Variants in TMED3 observed in about 807,000 individuals in gnomAD.
TMED3 encodes the protein transmembrane p24 trafficking protein 3, also known as transmembrane emp24 domain-containing protein 3.
A neutral mutation model predicts 15.0 loss-of-function variants in TMED3; 9 were observed. The observed-to-expected ratio is 0.60, with a 90% CI of 0.36 to 1.04. TMED3 has a LOEUF of 1.04. Among genes scored for constraint, TMED3 ranks in the 50% least tolerant of loss-of-function variants. The probability of loss-of-function intolerance (pLI) is 0.01; values close to 1 mark genes in which losing one functional copy is unlikely to be tolerated. For synonymous variants in TMED3, 117 were observed against 121.4 expected (o/e 0.96, Z 0.24); for missense variants, 267 against 278.9 (o/e 0.96, Z 0.30).
intron 2 of TMED3, among the ~76,000 whole-genome samples, chr15:79,372,823 T>C (rs1163911874): frequency 1.3e-5 from 2 of 152,216 alleles, no homozygotes; most frequent in African/African-American, 4.8e-5. Flanking sequence ...GCTAGGTAGT[T>C]AGAATTGAAC....
chr15:79,354,783 G>C (rs1377196310), intron 2 of TMED3, among the ~76,000 whole-genome samples: 1 of 152,128 alleles, frequency 6.6e-6, no homozygotes, highest in Non-Finnish European at 1.5e-5. Context: ...GCCACATAGG[G>C]TCATTCCCTG....
intron 2 of TMED3, among the ~76,000 whole-genome samples, chr15:79,318,315 G>A (rs1596050601): frequency 6.6e-6 from 1 of 152,200 alleles, no homozygotes; most frequent in African/African-American, 2.4e-5. Context: ...CTGAGACCCA[G>A]GACTGTGTCT....
chr15:79,379,911 A>G (rs555777557), intron 2 of TMED3, among the ~76,000 whole-genome samples: 10 of 152,238 alleles, frequency 6.6e-5, no homozygotes, highest in Non-Finnish European at 1.5e-4. Flanking sequence ...ATGATGTGTT[A>G]TGTGATAGGT....
At chr15:79,368,453 T>TGTGA (rs1296626200) in intron 2 of TMED3, among the ~76,000 whole-genome samples, 2 of 152,074 alleles carry the variant, frequency 1.3e-5, no homozygotes, top group Non-Finnish European at 1.5e-5. Flanking sequence ...TTGCACACTG[T>TGTGA]GGGAATTATG....
At chr15:79,313,345 A>T (rs1038773289) in intron 1 of TMED3, among the ~76,000 whole-genome samples, 19 of 152,192 alleles carry the variant, frequency 1.2e-4, no homozygotes, top group African/African-American at 4.3e-4. Context: ...CATGCTTCAG[A>T]ATAGTGCAAT....
At chr15:79,364,520 A>G (rs998092788) in intron 2 of TMED3, among the ~76,000 whole-genome samples, 2 of 151,916 alleles carry the variant, frequency 1.3e-5, no homozygotes, top group African/African-American at 4.8e-5. Context: ...CTAAGTGGGA[A>G]CAGGCATTTC....
intron 2 of TMED3, among the ~76,000 whole-genome samples, chr15:79,376,997 CT>C (rs1301292953): frequency 6.6e-6 from 1 of 152,072 alleles, no homozygotes; most frequent in African/African-American, 2.4e-5. Flanking sequence ...CTTCATGAAG[CT>C]GAGAAAACCT....
chr15:79,403,910 A>G (rs1473574909), intron 2 of TMED3, among the ~76,000 whole-genome samples: 1 of 152,012 alleles, frequency 6.6e-6, no homozygotes, highest in Non-Finnish European at 1.5e-5. Flanking sequence ...ACCCGGCATG[A>G]CCCTTGGTTC....
exon 3 of TMED3, chr15:79,413,406 A>T (rs187667106): frequency 0.014 from 2,086 of 152,280 alleles, 26 homozygotes; most frequent in South Asian, 0.026. Flanking sequence ...TGCTCTGCAG[A>T]ACCCAACAGA....
intron 2 of TMED3, among the ~76,000 whole-genome samples, chr15:79,350,871 A>G (rs1020785828): frequency 6.6e-6 from 1 of 152,178 alleles, no homozygotes; most frequent in Non-Finnish European, 1.5e-5. Flanking sequence ...TTTGCTGTAC[A>G]TCAGCTCCCT....
intron 2 of TMED3, among the ~76,000 whole-genome samples, chr15:79,391,475 C>T (rs942057985): frequency 6.6e-6 from 1 of 152,008 alleles, no homozygotes; most frequent in East Asian, 1.9e-4. Context: ...TATTGAGGCT[C>T]GTTTTGTGGC....
At chr15:79,332,989 G>T (rs1193844005) in intron 2 of TMED3, among the ~76,000 whole-genome samples, 1 of 152,230 alleles carries the variant, frequency 6.6e-6, no homozygotes, top group Admixed American at 6.5e-5. Context: ...ACTGCCCAGT[G>T]TTCCATCTCG....
At chr15:79,314,832 C>G (rs1041515693) in intron 2 of TMED3, among the ~76,000 whole-genome samples, 10 of 152,180 alleles carry the variant, frequency 6.6e-5, no homozygotes, top group Non-Finnish European at 1.2e-4. Context: ...GTCTGTCTTC[C>G]CTTCTGCTAT....
rs191924189 is a variant in TMED3, at chr15:79,408,648, A to T, written c.418-2752A>T. On this transcript the variant is annotated intron_variant, in intron 2 of 2. Coordinates refer to the TMED3 transcript ENST00000424155. ...GAACTCAGAGAGAATGGCCCCTGGA[A>T]GCCAGAAACCCAGGGTCCAGATCTG... Among the ~76,000 whole-genome samples the T allele has an allele frequency of 7.5e-3, 1,138 of 152,224 alleles. 5 individuals carry two copies. The highest frequency in any genetic ancestry group is 0.012 in the Non-Finnish European group (786 of 68,012).
At position 79,388,321 on chromosome 15, in the gene TMED3, A is replaced by G. The variant is rs116078986; in HGVS notation, c.418-23079A>G. Among the ~76,000 whole-genome samples the G allele has an allele frequency of 4.4e-3, 677 of 152,248 alleles. 3 individuals are homozygous for G. The highest frequency in any genetic ancestry group is 0.016 in the African/African-American group (661 of 41,560). On this transcript the variant is annotated intron_variant, in intron 2 of 2. Transcript: ENST00000424155. Reference sequence around the variant, plus strand: ...GTATACTAAGAGCTTATCTTTAACCATTAATGAATGATGAATTTTATAAAT... The same window carrying G: ...GTATACTAAGAGCTTATCTTTAACCGTTAATGAATGATGAATTTTATAAAT...
chr15:79,362,509 A>G (rs1264465309), intron 2 of TMED3, among the ~76,000 whole-genome samples: 2 of 152,048 alleles, frequency 1.3e-5, no homozygotes, highest in East Asian at 3.9e-4. Flanking sequence ...ATAAAAATTA[A>G]AAGTTAATAT....
At position 79,313,888 on chromosome 15, in the gene TMED3, T is replaced by G. The variant is rs775619730; in HGVS notation, c.300T>G (p.Phe100Leu). ...CTGAAGTCAAGGGCGTTTATCAGTTTTGCTTCAGTAATGAGTTTTCCACCT... is the reference window on the plus strand; with the variant it reads ...CTGAAGTCAAGGGCGTTTATCAGTTGTGCTTCAGTAATGAGTTTTCCACCT... ...YRAEVKGVYQ[F>L]CFSNEFSTFS... Residue 100 changes from phenylalanine (F) to leucine (L), a missense_variant, in exon 2 of 3, where the codon TTT (phenylalanine) becomes TTG (leucine). Physicochemically the swap from Phe to Leu is conservative, Grantham distance 22 (BLOSUM62 0). Coordinates refer to ENST00000299705, the MANE Select transcript of TMED3 (RefSeq NM_007364.4). 103 of 1,614,088 alleles carry G rather than the reference T, an allele frequency of 6.4e-5. No individual in the cohort carries two copies. Among genetic ancestry groups the G allele is most frequent in the Non-Finnish European group, 8.6e-5 (101 of 1,180,050 alleles).
intron 2 of TMED3, among the ~76,000 whole-genome samples, chr15:79,369,589 C>T (rs1318775390): frequency 1.3e-5 from 2 of 152,220 alleles, no homozygotes; most frequent in African/African-American, 4.8e-5. Context: ...AAGCAACTAA[C>T]CCGCATTTCA....
intron 2 of TMED3, among the ~76,000 whole-genome samples, chr15:79,320,265 C>T (rs1596051729): frequency 6.6e-6 from 1 of 152,202 alleles, no homozygotes; most frequent in Non-Finnish European, 1.5e-5. Context: ...GTCCCCTCAG[C>T]TCCTATCTCT....
Sources: gnomAD v4.1 joint callset for allele counts (sites outside exome capture counted in the v4.1 genomes callset) on GRCh38, gnomAD v4.1.1 for gene constraint, MANE v1.5 for transcripts, NCBI Gene and HGNC (gene_info 2026-07-23, HGNC 2026-07-21) for gene names.